The following PTCSC3 variants were observed in gnomAD, a reference collection of about 807,000 sequenced individuals.
PTCSC3 encodes papillary thyroid carcinoma susceptibility candidate 3, also known as papillary thyroid carcinoma susceptibility candidate 3 (non-protein coding).
At chr14:36,146,175 G>A in intron 3 of PTCSC3, among the ~76,000 whole-genome samples, 1 of 143,404 alleles carries the variant, frequency 7.0e-6, no homozygotes, top group African/African-American at 2.6e-5. Flanking sequence ...ATGTCTATTA[G>A]GTCCACTTGG....
chr14:36,161,267 C>T (rs140672899), intron 2 of PTCSC3, among the ~76,000 whole-genome samples: 2,290 of 152,178 alleles, frequency 0.015, 31 homozygotes, highest in South Asian at 0.032. Context: ...CCCTTGCTGG[C>T]GAGGAGTTGT....
At chr14:36,145,722 CT>C (rs1414423536) in intron 3 of PTCSC3, among the ~76,000 whole-genome samples, 10 of 129,736 alleles carry the variant, frequency 7.7e-5, no homozygotes, top group Non-Finnish European at 1.3e-4. Context: ...TGTGTTTGCT[CT>C]TGCTTTTCTA....
intron 3 of PTCSC3, among the ~76,000 whole-genome samples, chr14:36,149,462 G>C (rs1881672438): frequency 2.0e-5 from 3 of 152,036 alleles, no homozygotes; most frequent in Admixed American, 2.0e-4. Flanking sequence ...GCTGTGGTTG[G>C]GGAAGTGTTC....
chr14:36,158,775 C>T (rs773468193), intron 2 of PTCSC3, among the ~76,000 whole-genome samples: 4 of 152,060 alleles, frequency 2.6e-5, no homozygotes, highest in African/African-American at 9.7e-5. Flanking sequence ...CATAAAATGA[C>T]TTAGGGAGGA....
At chr14:36,171,679 G>A (rs1325272843) in intron 1 of PTCSC3, among the ~76,000 whole-genome samples, 4 of 152,162 alleles carry the variant, frequency 2.6e-5, no homozygotes, top group East Asian at 1.9e-4. Context: ...TTTCAACCCC[G>A]GGGGAAAATA....
intron 3 of PTCSC3, among the ~76,000 whole-genome samples, chr14:36,152,900 A>G (rs201312834): frequency 3.8e-4 from 9 of 23,838 alleles, no homozygotes; most frequent in Non-Finnish European, 1.2e-3. Flanking sequence ...TCTCGAAAGG[A>G]AAAAAAAAAA....
intron 3 of PTCSC3, among the ~76,000 whole-genome samples, chr14:36,153,520 A>G (rs1174700589): frequency 4.6e-5 from 7 of 152,216 alleles, no homozygotes; most frequent in Non-Finnish European, 8.8e-5. Context: ...TACTACTAAT[A>G]GGAGATTATT....
intron 2 of PTCSC3, among the ~76,000 whole-genome samples, chr14:36,158,202 G>C (rs1881872377): frequency 6.6e-6 from 1 of 152,190 alleles, no homozygotes; most frequent in African/African-American, 2.4e-5. Context: ...TCTGCAAACA[G>C]AGACAATTTG....
intron 3 of PTCSC3, among the ~76,000 whole-genome samples, chr14:36,140,156 G>A (rs757036214): frequency 6.6e-6 from 1 of 152,082 alleles, no homozygotes; most frequent in Non-Finnish European, 1.5e-5. Context: ...TCTTTTAATG[G>A]CTTGGTAGCA....
At chr14:36,159,327 A>G (rs990203566) in intron 2 of PTCSC3, among the ~76,000 whole-genome samples, 3 of 151,484 alleles carry the variant, frequency 2.0e-5, no homozygotes, top group African/African-American at 7.3e-5. Flanking sequence ...TAGTTCTTTT[A>G]ATTGTGATGT....
chr14:36,135,194 C>G (rs1237113940), downstream of PTCSC3, among the ~76,000 whole-genome samples: 1 of 151,986 alleles, frequency 6.6e-6, no homozygotes, highest in Non-Finnish European at 1.5e-5. Flanking sequence ...AATGAAAAAG[C>G]TTTTACTTCT....
chr14:36,140,412 C>T (rs1424135178), intron 3 of PTCSC3, among the ~76,000 whole-genome samples: 1 of 152,206 alleles, frequency 6.6e-6, no homozygotes, highest in Non-Finnish European at 1.5e-5. Flanking sequence ...TCGTCAGAAA[C>T]TGCCAGATTG....
intron 3 of PTCSC3, among the ~76,000 whole-genome samples, chr14:36,142,968 C>A (rs1487053414): frequency 6.6e-6 from 1 of 152,026 alleles, no homozygotes; most frequent in Non-Finnish European, 1.5e-5. Flanking sequence ...TCACCCATGT[C>A]CCTACAAAGG....
intron 3 of PTCSC3, among the ~76,000 whole-genome samples, chr14:36,147,215 G>A (rs1404764550): frequency 6.6e-6 from 1 of 152,172 alleles, no homozygotes; most frequent in Admixed American, 6.5e-5. Context: ...GGCCTGCCTT[G>A]CTAGATTGGG....
chr14:36,156,340 C>T (rs1354423520), intron 2 of PTCSC3, among the ~76,000 whole-genome samples: 2 of 152,214 alleles, frequency 1.3e-5, no homozygotes, highest in African/African-American at 4.8e-5. Context: ...TGCCTTCCTC[C>T]TGATCAAACA....
chr14:36,170,888 T>C (rs1371924047), intron 1 of PTCSC3, among the ~76,000 whole-genome samples: 2 of 152,168 alleles, frequency 1.3e-5, no homozygotes, highest in Admixed American at 6.5e-5. Flanking sequence ...AAGTACTGAC[T>C]TGAGGCTATG....
chr14:36,143,634 T>C (rs1464669489), intron 3 of PTCSC3, among the ~76,000 whole-genome samples: 3 of 149,790 alleles, frequency 2.0e-5, no homozygotes, highest in African/African-American at 7.3e-5. Flanking sequence ...TGGTAGTTTC[T>C]TTTGCTATGC....
intron 3 of PTCSC3, among the ~76,000 whole-genome samples, chr14:36,145,445 C>T (rs142424003): frequency 0.48 from 70,068 of 146,236 alleles, 18,007 homozygotes; most frequent in Non-Finnish European, 0.58. Flanking sequence ...AGTTTATTTG[C>T]GTAGAGGTGT....
intron 3 of PTCSC3, among the ~76,000 whole-genome samples, chr14:36,151,109 C>T (rs1032044734): frequency 6.6e-6 from 1 of 151,888 alleles, no homozygotes; most frequent in African/African-American, 2.4e-5. Flanking sequence ...TATGAAAAAG[C>T]CTTTATAATT....
Sources: gnomAD v4.1 joint callset for allele counts (sites outside exome capture counted in the v4.1 genomes callset) on GRCh38, gnomAD v4.1.1 for gene constraint, MANE v1.5 for transcripts, NCBI Gene and HGNC (gene_info 2026-07-23, HGNC 2026-07-21) for gene names.